Variants in FNDC3A observed in about 807,000 individuals in gnomAD.
FNDC3A encodes the protein fibronectin type III domain containing 3A, also known as fibronectin type-III domain-containing protein 3A.
FNDC3A carries 32 observed loss-of-function variants against 148.9 expected under a neutral mutation model. The observed-to-expected ratio is 0.21, with a 90% CI of 0.16 to 0.29. FNDC3A has a LOEUF of 0.29. Among genes scored for constraint, FNDC3A ranks in the 10% least tolerant of loss-of-function variants. The pLI, the probability that FNDC3A is intolerant of heterozygous loss-of-function variation, is 1.00. For synonymous variants in FNDC3A, 472 were observed against 473.6 expected, an observed-to-expected ratio of 1.00 and a Z score of 0.04; for missense variants, 1,191 against 1,452.8, an observed-to-expected ratio of 0.82 and a Z score of 2.93.
chr13:49,013,521 T>G (rs970437771), intron 2 of FNDC3A, among the ~76,000 whole-genome samples: 2 of 151,762 alleles, frequency 1.3e-5, no homozygotes, highest in Non-Finnish European at 2.9e-5. Context: ...TATGTACACG[T>G]GTATACATGT....
intron 2 of FNDC3A, among the ~76,000 whole-genome samples, chr13:49,041,021 G>T (rs1382967612): frequency 1.3e-5 from 2 of 152,104 alleles, no homozygotes; most frequent in East Asian, 3.9e-4. Flanking sequence ...CACTGCATTT[G>T]TGGCAGATGA....
intron 7 of FNDC3A, among the ~76,000 whole-genome samples, chr13:49,145,419 A>C (rs1359952056): frequency 6.6e-6 from 1 of 151,956 alleles, no homozygotes; most frequent in Non-Finnish European, 1.5e-5. Context: ...TCCTTTGCTC[A>C]TTTTTCTCTT....
intron 4 of FNDC3A, among the ~76,000 whole-genome samples, chr13:49,126,278 T>G (rs1350118668): frequency 8.2e-6 from 1 of 121,952 alleles, no homozygotes; most frequent in Non-Finnish European, 1.7e-5. Flanking sequence ...TTGTTTGTTT[T>G]TTTAATTGTG....
chr13:49,128,037 A>G (rs993305935), intron 4 of FNDC3A, among the ~76,000 whole-genome samples: 1 of 152,140 alleles, frequency 6.6e-6, no homozygotes, highest in African/African-American at 2.4e-5. Context: ...GCGTGCCACC[A>G]TGCCCAGCTA....
chr13:49,025,087 T>A (rs1873605385), intron 2 of FNDC3A, among the ~76,000 whole-genome samples: 1 of 152,024 alleles, frequency 6.6e-6, no homozygotes, highest in Admixed American at 6.6e-5. Flanking sequence ...AATCATTAGA[T>A]TTAAAATAGG....
At position 49,191,352 on chromosome 13, in the gene FNDC3A, A is replaced by G. The variant is rs1486355202; in HGVS notation, c.2194A>G (p.Ser732Gly). ...VSSLLPGKTY[S>G]FRLRAANKMG... ...CAGCCTTCTTCCTGGAAAGACATAC[A>G]GCTTCAGACTACGTGCAGCTAACAA... Residue 732 changes from serine to glycine, a missense_variant, in exon 19 of 26, where the codon AGC (serine) becomes GGC (glycine). Coordinates refer to ENST00000492622, the MANE Select transcript of FNDC3A (RefSeq NM_001079673.2). The G allele has an allele frequency of 3.7e-6, 6 of 1,606,708 alleles. No individual in the cohort carries two copies. The Admixed American group carries it at 8.7e-5, about 23-fold the overall frequency.
intron 4 of FNDC3A, among the ~76,000 whole-genome samples, chr13:49,130,729 T>C (rs1005852792): frequency 3.5e-4 from 53 of 152,230 alleles, no homozygotes; most frequent in African/African-American, 1.2e-3. Context: ...TCCAAATTTT[T>C]AAAATTTCTA....
chr13:49,206,252 G>A (rs571901315), intron 25 of FNDC3A, among the ~76,000 whole-genome samples: 1 of 152,270 alleles, frequency 6.6e-6, no homozygotes, highest in East Asian at 1.9e-4. Context: ...GTTATACTAA[G>A]GTAGTTGGTC....
chr13:49,187,271 A>G (rs1885627069), intron 16 of FNDC3A, 81 bp downstream of exon 16: 2 of 1,079,876 alleles, frequency 1.9e-6, no homozygotes, highest in Non-Finnish European at 2.8e-6. Flanking sequence ...TTTATGTCAT[A>G]TCTTTTCTTT....
chr13:49,095,842 A>G (rs566417549), intron 3 of FNDC3A, among the ~76,000 whole-genome samples: 2 of 152,194 alleles, frequency 1.3e-5, no homozygotes, highest in South Asian at 2.1e-4. Context: ...ATATAACGTT[A>G]TAAAGAAACT....
chr13:49,030,570 A>G (rs1198881084), intron 2 of FNDC3A, among the ~76,000 whole-genome samples: 3 of 152,232 alleles, frequency 2.0e-5, no homozygotes, highest in Non-Finnish European at 1.5e-5. Flanking sequence ...GAAAAGGAAT[A>G]AAACTCTATT....
In FNDC3A at chr13:49,195,944, C is replaced by CACACCCGTA. The variant is rs1269525140; in HGVS notation, c.2227-932_2227-924dup. Among the ~76,000 whole-genome samples the CACACCCGTA allele has an allele frequency of 8.3e-4, 126 of 151,892 alleles. 1 individual carries two copies. The highest frequency in any genetic ancestry group is 2.3e-3 in the Admixed American group (35 of 15,254). Reference sequence around the variant, plus strand: ...GAAAAATTAGCCCAGCATGGTAGTGCACACCCGTAGTCCCAGCTACTCAGG... The same window carrying CACACCCGTA: ...GAAAAATTAGCCCAGCATGGTAGTGCACACCCGTAACACCCGTAGTCCCAGCTACTCAGG... On this transcript the variant is annotated intron_variant, in intron 19 of 25. Transcript: ENST00000492622.
chr13:49,079,823 C>A (rs1310093092), intron 3 of FNDC3A, among the ~76,000 whole-genome samples: 1 of 152,080 alleles, frequency 6.6e-6, no homozygotes, highest in Non-Finnish European at 1.5e-5. Flanking sequence ...ATTTATTTGT[C>A]TTCTATTTTA....
intron 1 of FNDC3A, among the ~76,000 whole-genome samples, chr13:48,993,699 G>A (rs905537785): frequency 1.3e-5 from 2 of 152,038 alleles, no homozygotes; most frequent in Non-Finnish European, 2.9e-5. Flanking sequence ...AAAAAAGATC[G>A]CTAGAGGAAT....
At chr13:49,081,348 C>G (rs1300794766) in intron 3 of FNDC3A, among the ~76,000 whole-genome samples, 1 of 152,120 alleles carries the variant, frequency 6.6e-6, no homozygotes, top group East Asian at 1.9e-4. Flanking sequence ...CTGGCTCCTT[C>G]AAATATTATG....
intron 2 of FNDC3A, among the ~76,000 whole-genome samples, chr13:49,024,849 A>G (rs966084385): frequency 1.3e-5 from 2 of 151,988 alleles, no homozygotes; most frequent in African/African-American, 4.8e-5. Context: ...TGAGTCCCAA[A>G]TTAGCCAACC....
intron 3 of FNDC3A, among the ~76,000 whole-genome samples, chr13:49,086,214 C>T (rs1054378624): frequency 1.1e-4 from 16 of 152,334 alleles, no homozygotes; most frequent in African/African-American, 3.8e-4. Flanking sequence ...GGTAATGCAT[C>T]TGCTGGCTCT....
intron 2 of FNDC3A, among the ~76,000 whole-genome samples, chr13:49,022,065 A>G (rs75666864): frequency 0.019 from 2,851 of 152,306 alleles, 94 homozygotes; most frequent in African/African-American, 0.064. Flanking sequence ...CCCTTACTTC[A>G]GAAATTTACA....
At chr13:49,148,084 T>C (rs758243434) in intron 8 of FNDC3A, among the ~76,000 whole-genome samples, 26 of 152,174 alleles carry the variant, frequency 1.7e-4, no homozygotes, top group Non-Finnish European at 3.7e-4. Context: ...GTGTTTTTCC[T>C]GTTGAGTTGA....
Sources: allele counts gnomAD v4.1 joint callset (sites outside exome capture counted in the v4.1 genomes callset), GRCh38; gene constraint gnomAD v4.1.1; transcripts MANE v1.5; gene names NCBI Gene and HGNC (gene_info 2026-07-23, HGNC 2026-07-21).